SNRPB2: variants seen among roughly 807,000 people sequenced by gnomAD.
SNRPB2 encodes the protein small nuclear ribonucleoprotein polypeptide B2.
Under a neutral mutation model 26.3 loss-of-function variants are expected in SNRPB2, and 16 were observed. That is an observed-to-expected ratio of 0.61 (90% CI 0.41 to 0.92). SNRPB2 has a LOEUF of 0.92. SNRPB2 is among the 40% of genes least tolerant of loss of function. The pLI is 0.00. For synonymous variants in SNRPB2, 75 were observed against 89.0 expected (o/e 0.84, Z 0.88); for missense variants, 179 against 268.1 (o/e 0.67, Z 2.32).
intron 3 of SNRPB2, among the ~76,000 whole-genome samples, chr20:16,735,332 T>C (rs773800198): frequency 6.7e-6 from 1 of 149,866 alleles, no homozygotes. Flanking sequence ...AAGTAGTAAT[T>C]TGTAGGATTA....
chr20:16,736,582 C>T (rs1464396360), intron 3 of SNRPB2, among the ~76,000 whole-genome samples: 1 of 152,154 alleles, frequency 6.6e-6, no homozygotes, highest in Non-Finnish European at 1.5e-5. Context: ...TGTGGGGACT[C>T]TGCCAAACCA....
intron 1 of SNRPB2, among the ~76,000 whole-genome samples, chr20:16,731,389 G>T (rs771450850): frequency 6.6e-6 from 1 of 152,166 alleles, no homozygotes; most frequent in Non-Finnish European, 1.5e-5. Flanking sequence ...AAAATGTCAC[G>T]TGTCATAAGT....
At chr20:16,739,978 G>A (rs1232014405) in intron 5 of SNRPB2, among the ~76,000 whole-genome samples, 3 of 150,830 alleles carry the variant, frequency 2.0e-5, no homozygotes, top group Non-Finnish European at 4.4e-5. Flanking sequence ...GTGATACTGA[G>A]TGTGGTAACC....
Position 16,737,295 on chromosome 20 carries a change from T to C in SNRPB2, c.272T>C (p.Ile91Thr). 1 of 1,600,686 alleles carries C rather than the reference T, an allele frequency of 6.2e-7. No homozygotes were observed. Among genetic ancestry groups the C allele is most frequent in the Non-Finnish European group, 8.5e-7 (1 of 1,176,150 alleles). ...TATGCAAAAACAGATTCGGATATAATATCAAAAATGCGTGGAACTTTTGCT... is the reference window on the plus strand; with the variant it reads ...TATGCAAAAACAGATTCGGATATAACATCAAAAATGCGTGGAACTTTTGCT... ...IQYAKTDSDI[I>T]SKMRGTFADK... Residue 91 changes from isoleucine to threonine, a missense_variant, in exon 4 of 7, where the codon ATA (isoleucine) becomes ACA (threonine). Physicochemically the swap from Ile to Thr is moderately conservative, Grantham distance 89. Transcript: ENST00000246071.
chr20:16,740,801 A>G, intron 6 of SNRPB2, 45 bp from the exon 7 acceptor site: 2 of 1,444,136 alleles, frequency 1.4e-6, no homozygotes, highest in Non-Finnish European at 1.9e-6. Flanking sequence ...CAAAGCAAAC[A>G]TTTATGTACT....
At chr20:16,735,051 G>A (rs2072416434) in intron 3 of SNRPB2, among the ~76,000 whole-genome samples, 1 of 152,102 alleles carries the variant, frequency 6.6e-6, no homozygotes, top group Non-Finnish European at 1.5e-5. Context: ...ACTGTGGTAC[G>A]GCAGCCCAGA....
chr20:16,737,115 G>A, intron 3 of SNRPB2, 146 bp from the exon 4 acceptor site: 1 of 518,606 alleles, frequency 1.9e-6, no homozygotes, highest in Non-Finnish European at 3.3e-6. Flanking sequence ...CTTCCATTTG[G>A]CACTCAGTAT....
chr20:16,735,261 T>C (rs1308643108), intron 3 of SNRPB2, among the ~76,000 whole-genome samples: 1 of 150,640 alleles, frequency 6.6e-6, no homozygotes, highest in East Asian at 1.9e-4. Context: ...ATTCTTGTTA[T>C]ACGAGGCAAT....
At chr20:16,733,778 A>G (rs1181717937) in intron 3 of SNRPB2, among the ~76,000 whole-genome samples, 1 of 152,064 alleles carries the variant, frequency 6.6e-6, no homozygotes, top group East Asian at 1.9e-4. Flanking sequence ...TTTTTCTGTT[A>G]TTAGAGCAAG....
At chr20:16,739,574 T>A (rs962455573) in intron 5 of SNRPB2, among the ~76,000 whole-genome samples, 9 of 152,302 alleles carry the variant, frequency 5.9e-5, no homozygotes, top group African/African-American at 2.2e-4. Context: ...CTTGGGTTTT[T>A]TATCTCCTCA....
intron 5 of SNRPB2, 122 bp downstream of exon 5, chr20:16,739,024 A>G (rs1427589131): frequency 3.0e-6 from 2 of 673,106 alleles, no homozygotes; most frequent in Non-Finnish European, 5.3e-6. Flanking sequence ...ACAGTGCGTT[A>G]AATTGTCTGC....
At chr20:16,734,778 G>T (rs1255224190) in intron 3 of SNRPB2, among the ~76,000 whole-genome samples, 1 of 152,198 alleles carries the variant, frequency 6.6e-6, no homozygotes, top group African/African-American at 2.4e-5. Flanking sequence ...ACCTCTGGTT[G>T]AGAACCACTG....
At chr20:16,737,083 A>G (rs931182340) in intron 3 of SNRPB2, among the ~76,000 whole-genome samples, 178 bp from the exon 4 acceptor site, 63 of 152,232 alleles carry the variant, frequency 4.1e-4, no homozygotes, top group African/African-American at 1.5e-3. Context: ...TGTCTAAATT[A>G]TGAATTATAG....
chr20:16,741,100 A>G lies in SNRPB2; in HGVS notation c.*95A>G. ...GTCATTTTAATAGTTAGAGATGAGG[A>G]GGAGTAAAAGTGAAATTTTTGTGAA... On this transcript the variant is annotated 3_prime_UTR_variant, in exon 7 of 7. Transcript: ENST00000246071. 1 of 876,342 alleles carries G rather than the reference A, an allele frequency of 1.1e-6. No individual in the cohort carries two copies. The highest frequency in any genetic ancestry group is 1.7e-6 in the Non-Finnish European group (1 of 592,670). 54.3% of individuals were successfully genotyped at this position (876,342 alleles called of 1,614,324 possible). A position where few individuals can be genotyped will look rare whatever the true frequency, so the allele number is the denominator to read the frequency against.
intron 2 of SNRPB2, among the ~76,000 whole-genome samples, 179 bp downstream of exon 2, chr20:16,731,945 G>A (rs1324875179): frequency 6.6e-6 from 1 of 152,168 alleles, no homozygotes; most frequent in African/African-American, 2.4e-5. Flanking sequence ...GGAACTGACA[G>A]TGTGTACAGT....
rs867820107 is a variant in SNRPB2, at chr20:16,739,007, A to G, written c.429+105A>G. On this transcript the variant is annotated intron_variant, in intron 5 of 6. Transcript: ENST00000246071. ...CTCCAAAAACAAAATGATTTCATCTACAAGACACAGTGCGTTAAATTGTCT... is the reference window on the plus strand; with the variant it reads ...CTCCAAAAACAAAATGATTTCATCTGCAAGACACAGTGCGTTAAATTGTCT... 7.7e-5 allele frequency: 58 copies of G among 753,378 alleles called. No homozygotes were observed. In the Middle Eastern group the frequency reaches 4.2e-3, roughly 55 times the overall value. 46.7% of individuals were successfully genotyped at this position (753,378 alleles called of 1,614,324 possible).
chr20:16,740,113 A>G (rs2072453788), intron 5 of SNRPB2, among the ~76,000 whole-genome samples: 1 of 152,100 alleles, frequency 6.6e-6, no homozygotes, highest in South Asian at 2.1e-4. Flanking sequence ...ATTGTTTCAT[A>G]TACTGTTAAA....
intron 1 of SNRPB2, among the ~76,000 whole-genome samples, 169 bp from the exon 2 acceptor site, chr20:16,731,499 C>T (rs1173117972): frequency 6.6e-6 from 1 of 152,184 alleles, no homozygotes; most frequent in Non-Finnish European, 1.5e-5. Context: ...AACTGTTCTT[C>T]TTCTGTATGA....
In SNRPB2 at chr20:16,742,096, T is replaced by C. The variant is rs1430810229; in HGVS notation, c.*1091T>C. On this transcript the variant is annotated 3_prime_UTR_variant, in exon 7 of 7. Transcript: ENST00000246071. ...CGTAGACAGTATCACATCACTCTTATGCATACATAAAGAGGAAAAAAATGT... is the reference window on the plus strand; with the variant it reads ...CGTAGACAGTATCACATCACTCTTACGCATACATAAAGAGGAAAAAAATGT... 3.3e-5 allele frequency: 5 copies of C among 152,202 alleles called. No homozygotes were observed. Among genetic ancestry groups the C allele is most frequent in the African/African-American group, 4.8e-5 (2 of 41,458 alleles). 9.4% of individuals were successfully genotyped at this position (152,202 alleles called of 1,614,324 possible). A position where few individuals can be genotyped will look rare whatever the true frequency, so the allele number is the denominator to read the frequency against.
Sources: allele counts gnomAD v4.1 joint callset (sites outside exome capture counted in the v4.1 genomes callset), GRCh38; gene constraint gnomAD v4.1.1; transcripts MANE v1.5; gene names NCBI Gene and HGNC (gene_info 2026-07-23, HGNC 2026-07-21).